Variants in TRIM65 observed in about 807,000 individuals in gnomAD.
TRIM65 encodes E3 ubiquitin-protein ligase TRIM65.
TRIM65 carries 46 observed loss-of-function variants against 36.1 expected under a neutral mutation model. The ratio of observed to expected loss-of-function variants is 1.27; its 90% CI spans 1.01 to 1.63. The LOEUF (loss-of-function observed/expected upper bound fraction) is 1.63. Among genes scored for constraint, TRIM65 ranks in the 40% most tolerant of loss-of-function variants. The pLI, the probability that TRIM65 is intolerant of heterozygous loss-of-function variation, is 0.00. For synonymous variants in TRIM65, 346 were observed against 313.6 expected, an observed-to-expected ratio of 1.10 and a Z score of -1.09; for missense variants, 708 against 696.6, an observed-to-expected ratio of 1.02 and a Z score of -0.18.
downstream of TRIM65, among the ~76,000 whole-genome samples, chr17:75,886,918 C>T (rs1292931304): frequency 6.6e-6 from 1 of 152,086 alleles, no homozygotes; most frequent in Non-Finnish European, 1.5e-5. Context: ...ATCAGTTCGG[C>T]TGGCTGGGCA....
intron 4 of TRIM65, among the ~76,000 whole-genome samples, chr17:75,883,955 T>C (rs577593109): frequency 1.3e-5 from 2 of 152,238 alleles, no homozygotes; most frequent in East Asian, 3.9e-4. Context: ...CTGGCCAACA[T>C]GGCAAATCCC....
chr17:75,888,373 G>GA (rs1424237955), downstream of TRIM65, among the ~76,000 whole-genome samples: 1 of 145,530 alleles, frequency 6.9e-6, no homozygotes, highest in Non-Finnish European at 1.5e-5. Context: ...AAGAAAGAAA[G>GA]AAAAAGGGGT....
chr17:75,883,614 A>G (rs1260608817), intron 4 of TRIM65, among the ~76,000 whole-genome samples: 4 of 113,024 alleles, frequency 3.5e-5, no homozygotes, highest in African/African-American at 1.4e-4. Context: ...TGCAAGCTCC[A>G]CCTCCCGGGT....
downstream of TRIM65, among the ~76,000 whole-genome samples, chr17:75,886,323 C>T (rs891748527): frequency 6.6e-6 from 1 of 151,978 alleles, no homozygotes; most frequent in African/African-American, 2.4e-5. Context: ...GAGATCGAGA[C>T]CATCCTGGCT....
rs779705680 is a variant in TRIM65 at position 75,892,478 on chromosome 17, G to A, written c.533C>T (p.Ser178Phe). 9.9e-6 allele frequency: 16 copies of A among 1,613,914 alleles called. No homozygotes were observed. In the African/African-American group the frequency reaches 1.5e-4, roughly 15 times the overall value. Residue 178 changes from serine to phenylalanine, a missense_variant, in exon 3 of 6, where the codon TCC becomes TTC. Transcript: ENST00000269383. ...QIQNSACILA[S>F]WVSGKFSSLL... ...GCTGCTGAACTTGCCGGAGACCCAG[G>A]AGGCCAAGATGCAGGCCGAGTTCTG...
intron 4 of TRIM65, among the ~76,000 whole-genome samples, chr17:75,881,235 CA>C (rs58718762): frequency 9.1e-5 from 10 of 110,354 alleles, no homozygotes; most frequent in Non-Finnish European, 1.7e-4. Flanking sequence ...GACTCCATCT[CA>C]AAAAAAAAAA....
At position 75,891,857 on chromosome 17, in the gene TRIM65, G is replaced by A. The variant is rs141141766; in HGVS notation, c.941C>T (p.Pro314Leu). The change falls in exon 5 of 6, where the codon CCG becomes CTG. Residue 314 changes from proline to leucine, a missense_variant. Physicochemically the swap from Pro to Leu is moderately conservative, Grantham distance 98. Transcript: ENST00000269383. The part of the protein sequence containing the change: ...APVEAPGPLA[P>L]VPSTVCPLRR... ...CAGTGGACAAACTGTGCTTGGGACCGGTGCCAGGGGACCTGGGGCCTCTAG... is the reference window on the plus strand; with the variant it reads ...CAGTGGACAAACTGTGCTTGGGACCAGTGCCAGGGGACCTGGGGCCTCTAG... 56 of 1,612,262 alleles carry A rather than the reference G, an allele frequency of 3.5e-5. No homozygotes were observed. Among genetic ancestry groups the A allele is most frequent in the South Asian group, 2.8e-4 (25 of 90,792 alleles).
rs767393752 is a variant in TRIM65 at position 75,892,200 on chromosome 17, G to A, written c.745-15C>T. On this transcript the variant is annotated splice_polypyrimidine_tract_variant and intron_variant, in intron 3 of 5. Coordinates refer to ENST00000269383, the MANE Select transcript of TRIM65 (RefSeq NM_173547.4). ...AGCTGCGATTCCTGAGCCCCAGGGA[G>A]AACAAGTAAGCCTGGGCCTGAGGGG... 4 of 1,577,638 alleles carry A rather than the reference G, an allele frequency of 2.5e-6. No homozygotes were observed. The highest frequency in any genetic ancestry group is 2.6e-6 in the Non-Finnish European group (3 of 1,161,480).
Position 75,890,095 on chromosome 17 carries a change from A to G in TRIM65, c.*684T>C, listed in dbSNP as rs2065245497. 1 of 152,200 alleles carries G rather than the reference A, an allele frequency of 6.6e-6. No individual in the cohort carries two copies. The highest frequency in any genetic ancestry group is 1.5e-5 in the Non-Finnish European group (1 of 68,044). 9.4% of individuals were successfully genotyped at this position (152,200 alleles called of 1,614,324 possible). The stretch of plus-strand genomic sequence containing the variant: ...TCAGGAAACTTCAGAAAACACTGTA[A>G]TCTGAGCTACTCTGGAGGCTGAGGT... On this transcript the variant is annotated 3_prime_UTR_variant, in exon 6 of 6. Transcript: ENST00000269383.
Position 75,890,546 on chromosome 17 carries a change from G to T in TRIM65, c.*233C>A. On this transcript the variant is annotated 3_prime_UTR_variant, in exon 6 of 6. Coordinates refer to ENST00000269383, the MANE Select transcript of TRIM65 (RefSeq NM_173547.4). The stretch of plus-strand genomic sequence containing the variant: ...CCAGGCCCAGACAGTACCTAGAACT[G>T]GGTTCTCTCTGGGGCAAGGGCATCC... 1 of 452,514 alleles carries T rather than the reference G, an allele frequency of 2.2e-6. No homozygotes were observed. Among genetic ancestry groups the T allele is most frequent in the Non-Finnish European group, 3.9e-6 (1 of 259,356 alleles). The allele number at this position is 452,514 out of a possible 1,614,324, so 28.0% of individuals were successfully genotyped here.
chr17:75,884,233 G>A (rs1396395201), downstream of TRIM65, among the ~76,000 whole-genome samples: 1 of 152,122 alleles, frequency 6.6e-6, no homozygotes, highest in Non-Finnish European at 1.5e-5. Flanking sequence ...CGAGGCGGGC[G>A]GGTCACCTGA....
At chr17:75,892,716 T>C in intron 2 of TRIM65, 39 bp downstream of exon 2, 1 of 1,570,706 alleles carries the variant, frequency 6.4e-7, no homozygotes, top group Non-Finnish European at 8.7e-7. Flanking sequence ...CAGGATGCAG[T>C]GTGAGGCCAT....
intron 4 of TRIM65, among the ~76,000 whole-genome samples, chr17:75,883,652 C>T (rs1046233232): frequency 4.6e-5 from 7 of 151,204 alleles, no homozygotes; most frequent in African/African-American, 1.5e-4. Context: ...CTCAGCCTCC[C>T]GAGTAGCTGG....
downstream of TRIM65, among the ~76,000 whole-genome samples, chr17:75,888,455 CATA>C (rs2065227191): frequency 6.6e-6 from 1 of 152,066 alleles, no homozygotes; most frequent in Admixed American, 6.6e-5. Context: ...ATGAATTTCA[CATA>C]ATAAATGACC....
In TRIM65 at chr17:75,892,207, T is replaced by A; in HGVS notation, c.745-22A>T. The stretch of plus-strand genomic sequence containing the variant: ...ATTCCTGAGCCCCAGGGAGAACAAG[T>A]AAGCCTGGGCCTGAGGGGCAGGGAA... On this transcript the variant is annotated intron_variant, in intron 3 of 5. Transcript: ENST00000269383. 2.5e-6 allele frequency: 4 copies of A among 1,580,536 alleles called. No individual in the cohort carries two copies. In the South Asian group the frequency reaches 3.4e-5, roughly 14 times the overall value.
chr17:75,896,775 G>C lies in TRIM65; in HGVS notation c.163C>G (p.Pro55Ala). ...KACPECREPFPDGAELRRNVA... is the reference protein window; with the variant it reads ...KACPECREPFADGAELRRNVA... The stretch of plus-strand genomic sequence containing the variant: ...TTGCGGCGCAGCTCGGCGCCGTCGG[G>C]AAAGGGCTCCCGGCACTCGGGGCAC... The change falls in exon 1 of 6, where the codon CCC (proline) becomes GCC (alanine). Residue 55 changes from proline to alanine, a missense_variant. Physicochemically the swap from Pro to Ala is conservative, Grantham distance 27 (BLOSUM62 -1). Coordinates refer to ENST00000269383, the MANE Select transcript of TRIM65 (RefSeq NM_173547.4). The C allele has an allele frequency of 6.7e-7, 1 of 1,497,514 alleles. No homozygotes were observed. The highest frequency in any genetic ancestry group is 8.9e-7 in the Non-Finnish European group (1 of 1,127,830). 92.8% of individuals were successfully genotyped at this position (1,497,514 alleles called of 1,614,324 possible). A position where few individuals can be genotyped will look rare whatever the true frequency, so the allele number is the denominator to read the frequency against.
Position 75,892,349 on chromosome 17 carries a change from C to T in TRIM65, c.662G>A (p.Arg221Gln), listed in dbSNP as rs138214337. 547 of 1,613,186 alleles carry T rather than the reference C, an allele frequency of 3.4e-4. 5 individuals carry two copies. The South Asian group carries it at 3.6e-3, about 11-fold the overall frequency. The stretch of plus-strand genomic sequence containing the variant: ...GCGAGCCACAGCCTCCAAATGGACC[C>T]GCAGCCGCTGCTCCTCGTCTCGAGC... Reference protein sequence around the residue: ...AQARDEEQRLRVHLEAVARHG... With the variant: ...AQARDEEQRLQVHLEAVARHG... Residue 221 changes from arginine (R) to glutamine (Q), a missense_variant, in exon 3 of 6, where the codon CGG becomes CAG. Physicochemically the swap from Arg to Gln is conservative, Grantham distance 43 (BLOSUM62 1). Coordinates refer to ENST00000269383, the MANE Select transcript of TRIM65 (RefSeq NM_173547.4).
chr17:75,880,527 A>T (rs913006141), exon 5 of TRIM65: 4 of 150,392 alleles, frequency 2.7e-5, no homozygotes, highest in Non-Finnish European at 5.9e-5. Context: ...CCCTCATCTT[A>T]ACTCAGTCAC....
At chr17:75,884,152 AATAG>A (rs1201298108), downstream of TRIM65, among the ~76,000 whole-genome samples, 5 of 151,432 alleles carry the variant, frequency 3.3e-5, no homozygotes, top group African/African-American at 7.3e-5. Context: ...TAAATAAATA[AATAG>A]ATAGATAGTA....
Sources: gnomAD v4.1 joint callset for allele counts (sites outside exome capture counted in the v4.1 genomes callset) on GRCh38, gnomAD v4.1.1 for gene constraint, MANE v1.5 for transcripts, NCBI Gene and HGNC (gene_info 2026-07-23, HGNC 2026-07-21) for gene names.